PDZRN3: variants seen among roughly 807,000 people sequenced by gnomAD.
PDZRN3 encodes the protein PDZ domain containing ring finger 3.
A neutral mutation model predicts 85.7 loss-of-function variants in PDZRN3; 38 were observed. That is an observed-to-expected ratio of 0.44 (90% confidence interval 0.34 to 0.58). The LOEUF is 0.58. PDZRN3 is among the 20% of genes least tolerant of loss of function. PDZRN3 has a pLI of 0.01. For missense variants in PDZRN3, 1,629 were observed against 1,506.4 expected, an observed-to-expected ratio of 1.08 and a Z score of -1.35; for synonymous variants, 759 against 638.0, an observed-to-expected ratio of 1.19 and a Z score of -2.86.
chr3:73,394,051 T>C (rs1701586334), intron 5 of PDZRN3, among the ~76,000 whole-genome samples: 1 of 148,932 alleles, frequency 6.7e-6, no homozygotes, highest in Admixed American at 6.7e-5. Flanking sequence ...TCTTTATGAC[T>C]TTTTTTTTTA....
At chr3:73,435,626 G>T (rs1240213575) in intron 3 of PDZRN3, among the ~76,000 whole-genome samples, 5 of 152,242 alleles carry the variant, frequency 3.3e-5, no homozygotes, top group Admixed American at 3.3e-4. Flanking sequence ...AGTCTGGTCT[G>T]TTCGACCCCA....
At chr3:73,444,766 T>C (rs958547851) in intron 3 of PDZRN3, among the ~76,000 whole-genome samples, 1 of 152,214 alleles carries the variant, frequency 6.6e-6, no homozygotes, top group African/African-American at 2.4e-5. Flanking sequence ...CCATGCTTTT[T>C]GGTTTGCTGT....
intron 3 of PDZRN3, among the ~76,000 whole-genome samples, chr3:73,508,033 T>G (rs573534944): frequency 7.9e-4 from 120 of 151,948 alleles, no homozygotes; most frequent in African/African-American, 2.8e-3. Context: ...AGGTGAAGGT[T>G]GCAATGAGCC....
At chr3:73,489,847 C>T (rs1703737985) in intron 3 of PDZRN3, among the ~76,000 whole-genome samples, 1 of 152,022 alleles carries the variant, frequency 6.6e-6, no homozygotes, top group Non-Finnish European at 1.5e-5. Flanking sequence ...GCTGGGATTC[C>T]AGGCGTGAGC....
intron 3 of PDZRN3, chr3:73,569,626 G>T: frequency 2.6e-5 from 25 of 961,158 alleles, no homozygotes; most frequent in Non-Finnish European, 3.1e-5. Flanking sequence ...CCTGTGTCTG[G>T]GGTCTTCTCC....
intron 3 of PDZRN3, among the ~76,000 whole-genome samples, chr3:73,428,644 TG>T (rs1208373571): frequency 6.6e-6 from 1 of 152,210 alleles, no homozygotes; most frequent in African/African-American, 2.4e-5. Flanking sequence ...AACTCCTTTA[TG>T]GTCCTCTAAA....
intron 3 of PDZRN3, among the ~76,000 whole-genome samples, chr3:73,564,159 T>C (rs945289584): frequency 2.0e-5 from 3 of 152,214 alleles, no homozygotes; most frequent in Non-Finnish European, 4.4e-5. Context: ...ATATGGGGAC[T>C]GAAAGTCTCA....
At chr3:73,590,184 G>A (rs980523163) in intron 3 of PDZRN3, among the ~76,000 whole-genome samples, 2 of 144,360 alleles carry the variant, frequency 1.4e-5, no homozygotes, top group African/African-American at 2.5e-5. Flanking sequence ...CACAAGAATC[G>A]CTTGAACCGG....
intron 3 of PDZRN3, among the ~76,000 whole-genome samples, chr3:73,450,383 C>G (rs1702834834): frequency 6.6e-6 from 1 of 152,156 alleles, no homozygotes; most frequent in African/African-American, 2.4e-5. Context: ...CATGGATGTG[C>G]AGATTGGCAT....
chr3:73,530,469 T>G (rs1164588154), intron 3 of PDZRN3, among the ~76,000 whole-genome samples: 1 of 152,174 alleles, frequency 6.6e-6, no homozygotes, highest in Non-Finnish European at 1.5e-5. Flanking sequence ...CCAAGGCAAT[T>G]CTTGGCGCTT....
intron 3 of PDZRN3, among the ~76,000 whole-genome samples, chr3:73,579,882 T>C (rs1702174003): frequency 6.6e-6 from 1 of 152,190 alleles, no homozygotes; most frequent in African/African-American, 2.4e-5. Context: ...ACATAATATT[T>C]AGACTAAGCT....
At chr3:73,429,971 C>A (rs73096417) in intron 3 of PDZRN3, among the ~76,000 whole-genome samples, 15,990 of 152,134 alleles carry the variant, frequency 0.11, 1,134 homozygotes, top group African/African-American at 0.21. Flanking sequence ...TTTATGTTAG[C>A]CCCACAAAGG....
At chr3:73,386,172 G>GA (rs918408185) in intron 8 of PDZRN3, among the ~76,000 whole-genome samples, 2 of 144,326 alleles carry the variant, frequency 1.4e-5, no homozygotes, top group Non-Finnish European at 3.0e-5. Flanking sequence ...TTTTCAGTGT[G>GA]AAAAGAGTTC....
At chr3:73,509,181 T>C (rs1001183822) in intron 3 of PDZRN3, among the ~76,000 whole-genome samples, 1 of 152,210 alleles carries the variant, frequency 6.6e-6, no homozygotes, top group Non-Finnish European at 1.5e-5. Flanking sequence ...TTCTTATGTG[T>C]TTTGACTTTT....
At chr3:73,622,627 A>G (rs1171544305) in intron 1 of PDZRN3, among the ~76,000 whole-genome samples, 1 of 152,146 alleles carries the variant, frequency 6.6e-6, no homozygotes, top group Non-Finnish European at 1.5e-5. Context: ...AACATCCTAC[A>G]ATGCACAGCA....
intron 3 of PDZRN3, chr3:73,433,564 A>G: frequency 1.0e-6 from 1 of 964,778 alleles, no homozygotes; most frequent in Non-Finnish European, 1.6e-6. Context: ...AAAAATCCCC[A>G]CTACCTTTCC....
At chr3:73,555,732 T>C (rs1291769907) in intron 3 of PDZRN3, among the ~76,000 whole-genome samples, 2 of 152,212 alleles carry the variant, frequency 1.3e-5, no homozygotes, top group African/African-American at 4.8e-5. Flanking sequence ...GTTCAGGATT[T>C]GAACTTTGGA....
intron 3 of PDZRN3, among the ~76,000 whole-genome samples, chr3:73,407,493 A>G (rs1251121023): frequency 6.6e-6 from 1 of 152,246 alleles, no homozygotes; most frequent in East Asian, 1.9e-4. Flanking sequence ...AACTACCTAC[A>G]GTCCAAAACA....
chr3:73,560,052 G>A (rs913971808), intron 3 of PDZRN3, among the ~76,000 whole-genome samples: 3 of 152,166 alleles, frequency 2.0e-5, no homozygotes, highest in African/African-American at 7.2e-5. Context: ...TTTCTGCAGG[G>A]GACATCTCCC....
Sources: allele counts gnomAD v4.1 joint callset (sites outside exome capture counted in the v4.1 genomes callset), GRCh38; gene constraint gnomAD v4.1.1; transcripts MANE v1.5; gene names NCBI Gene and HGNC (gene_info 2026-07-23, HGNC 2026-07-21).